Variants in HEMK2 observed in about 807,000 individuals in gnomAD.
HEMK2 encodes the protein methyltransferase HEMK2.
the HEMK2 span, among the ~76,000 whole-genome samples, chr21:28,714,070 G>C: frequency 6.6e-6 from 1 of 152,182 alleles, no homozygotes; most frequent in Non-Finnish European, 1.5e-5. Flanking sequence ...AACAGTTATA[G>C]AGTTGTCTTC....
At chr21:28,690,670 A>G in the HEMK2 span, among the ~76,000 whole-genome samples, 2 of 152,132 alleles carry the variant, frequency 1.3e-5, no homozygotes, top group Non-Finnish European at 2.9e-5. Flanking sequence ...CTTTCTCCAC[A>G]AAGAAACCAC....
chr21:28,771,428 T>G, the HEMK2 span, among the ~76,000 whole-genome samples: 151 of 151,912 alleles, frequency 9.9e-4, 1 homozygote, highest in African/African-American at 3.5e-3. Context: ...CAGAGACATG[T>G]TTGGTTGTCA....
the HEMK2 span, among the ~76,000 whole-genome samples, chr21:28,684,290 G>A: frequency 2.6e-5 from 4 of 152,210 alleles, no homozygotes; most frequent in Non-Finnish European, 4.4e-5. Context: ...TGTCAGCTAG[G>A]AAGGAATGTC....
the HEMK2 span, among the ~76,000 whole-genome samples, chr21:28,589,586 A>G: frequency 6.6e-6 from 1 of 152,140 alleles, no homozygotes; most frequent in Admixed American, 6.5e-5. Flanking sequence ...AGTAAAGGAC[A>G]GTGGACAGTG....
At chr21:28,741,011 AGTTG>A in the HEMK2 span, among the ~76,000 whole-genome samples, 4 of 152,186 alleles carry the variant, frequency 2.6e-5, no homozygotes, top group Non-Finnish European at 5.9e-5. Flanking sequence ...TTACTTCCTA[AGTTG>A]GTTTCTGTTT....
the HEMK2 span, among the ~76,000 whole-genome samples, chr21:28,710,483 C>T: frequency 6.6e-6 from 1 of 152,088 alleles, no homozygotes; most frequent in African/African-American, 2.4e-5. Flanking sequence ...TATGCTTTTC[C>T]TCAAGTAAAG....
chr21:28,785,809 C>T, the HEMK2 span, among the ~76,000 whole-genome samples: 1 of 152,172 alleles, frequency 6.6e-6, no homozygotes, highest in African/African-American at 2.4e-5. Flanking sequence ...ATTTCTGACT[C>T]AAAATTTATG....
At chr21:28,644,337 G>T in the HEMK2 span, among the ~76,000 whole-genome samples, 1 of 152,108 alleles carries the variant, frequency 6.6e-6, no homozygotes, top group Non-Finnish European at 1.5e-5. Flanking sequence ...CCATAATTCG[G>T]TCACCTCTAC....
chr21:28,670,500 C>T, the HEMK2 span, among the ~76,000 whole-genome samples: 1 of 152,136 alleles, frequency 6.6e-6, no homozygotes, highest in Admixed American at 6.5e-5. Flanking sequence ...TAAAACTACT[C>T]AAGAAAAACT....
chr21:28,672,308 C>A, the HEMK2 span, among the ~76,000 whole-genome samples: 24 of 151,910 alleles, frequency 1.6e-4, no homozygotes, highest in Admixed American at 1.1e-3. Flanking sequence ...AGGGATACTG[C>A]CTATCACTGG....
At chr21:28,690,822 C>G in the HEMK2 span, among the ~76,000 whole-genome samples, 4 of 152,180 alleles carry the variant, frequency 2.6e-5, no homozygotes, top group Non-Finnish European at 4.4e-5. Context: ...CAATATACAG[C>G]ATCTCCCTCC....
the HEMK2 span, among the ~76,000 whole-genome samples, chr21:28,866,175 A>AAACAC: frequency 1.4e-3 from 106 of 76,228 alleles, 12 homozygotes; most frequent in African/African-American, 4.7e-3. Flanking sequence ...CAAAAAAAAA[A>AAACAC]ACACACACAC....
chr21:28,591,767 A>G, the HEMK2 span, among the ~76,000 whole-genome samples: 9 of 152,056 alleles, frequency 5.9e-5, no homozygotes, highest in African/African-American at 1.7e-4. Context: ...AGTTCTCATC[A>G]TCTAGCTCCT....
the HEMK2 span, among the ~76,000 whole-genome samples, chr21:28,648,200 A>C: frequency 2.0e-5 from 3 of 152,222 alleles, no homozygotes. Flanking sequence ...GGACATTACT[A>C]AGATGCTCAG....
chr21:28,699,935 T>C, the HEMK2 span, among the ~76,000 whole-genome samples: 1 of 152,358 alleles, frequency 6.6e-6, no homozygotes, highest in East Asian at 1.9e-4. Flanking sequence ...ATGTTTTCCA[T>C]ATCATTTAGA....
At chr21:28,716,801 G>C in the HEMK2 span, among the ~76,000 whole-genome samples, 1 of 152,088 alleles carries the variant, frequency 6.6e-6, no homozygotes, top group African/African-American at 2.4e-5. Flanking sequence ...AATTCTTGAG[G>C]GTTTTTATTA....
the HEMK2 span, among the ~76,000 whole-genome samples, chr21:28,760,030 T>TTTTCTGGACTTC: frequency 0.19 from 29,352 of 151,930 alleles, 3,526 homozygotes; most frequent in African/African-American, 0.34. Context: ...TTGTGGGATA[T>TTTTCTGGACTTC]TTTCTGGACT....
the HEMK2 span, among the ~76,000 whole-genome samples, chr21:28,672,368 T>C: frequency 3.9e-5 from 6 of 152,016 alleles, no homozygotes; most frequent in Non-Finnish European, 8.8e-5. Flanking sequence ...GTATTGACCA[T>C]AATATTTTCC....
the HEMK2 span, among the ~76,000 whole-genome samples, chr21:28,616,776 C>A: frequency 6.6e-6 from 1 of 152,278 alleles, no homozygotes; most frequent in Admixed American, 6.5e-5. Flanking sequence ...TCTAGTTTCT[C>A]ATTTGTGGAT....
Sources: allele counts gnomAD v4.1 joint callset (sites outside exome capture counted in the v4.1 genomes callset), GRCh38; gene constraint gnomAD v4.1.1; transcripts MANE v1.5; gene names NCBI Gene and HGNC (gene_info 2026-07-23, HGNC 2026-07-21).